Variants in IQCM observed in about 807,000 individuals in gnomAD.
IQCM encodes IQ domain-containing protein M.
A neutral mutation model predicts 57.6 loss-of-function variants in IQCM; 45 were observed. The ratio of observed to expected loss-of-function variants is 0.78; its 90% CI spans 0.62 to 1.00. The LOEUF is 1.00. Ranked by LOEUF, IQCM falls within the 50% of genes least tolerant of loss-of-function variation. The probability of loss-of-function intolerance (pLI) is 0.00; values close to 1 mark genes in which losing one functional copy is unlikely to be tolerated. For synonymous variants in IQCM, 148 were observed against 158.9 expected, an observed-to-expected ratio of 0.93 and a Z score of 0.51; for missense variants, 468 against 511.6, an observed-to-expected ratio of 0.91 and a Z score of 0.82.
At chr4:149,466,030 T>G (rs543527525) in intron 12 of IQCM, among the ~76,000 whole-genome samples, 1 of 152,240 alleles carries the variant, frequency 6.6e-6, no homozygotes, top group African/African-American at 2.4e-5. Context: ...GCACACTGAT[T>G]AATAGCATTG....
At chr4:149,488,669 C>A (rs1470594723) in intron 12 of IQCM, among the ~76,000 whole-genome samples, 1 of 151,896 alleles carries the variant, frequency 6.6e-6, no homozygotes, top group African/African-American at 2.4e-5. Context: ...CAGATATGAC[C>A]CAAAAAGGCT....
intron 7 of IQCM, among the ~76,000 whole-genome samples, chr4:149,632,654 A>G (rs1310224567): frequency 2.6e-5 from 4 of 152,192 alleles, no homozygotes; most frequent in Admixed American, 1.3e-4. Flanking sequence ...GCTTATATTT[A>G]TATATTCATT....
chr4:149,429,803 A>G, intron 13 of IQCM: 2 of 381,868 alleles, frequency 5.2e-6, no homozygotes, highest in Non-Finnish European at 9.2e-6. Flanking sequence ...ATCTCTTGTC[A>G]GTCAATTTAA....
At chr4:149,536,340 G>T (rs1164854226) in intron 12 of IQCM, among the ~76,000 whole-genome samples, 2 of 151,892 alleles carry the variant, frequency 1.3e-5, no homozygotes, top group East Asian at 1.9e-4. Flanking sequence ...TAGTAGCATG[G>T]CTCCCTCTCC....
chr4:149,784,391 A>G (rs1771887027), intron 2 of IQCM, among the ~76,000 whole-genome samples: 1 of 152,142 alleles, frequency 6.6e-6, no homozygotes, highest in Non-Finnish European at 1.5e-5. Flanking sequence ...TTAGATCCTT[A>G]GTCAAAGATC....
intron 5 of IQCM, among the ~76,000 whole-genome samples, chr4:149,717,153 T>C (rs1271598112): frequency 6.6e-6 from 1 of 152,196 alleles, no homozygotes; most frequent in African/African-American, 2.4e-5. Flanking sequence ...TTCATCAAAC[T>C]GAGTTGGGAG....
At chr4:149,516,242 G>A (rs1408673883) in intron 12 of IQCM, among the ~76,000 whole-genome samples, 3 of 152,194 alleles carry the variant, frequency 2.0e-5, no homozygotes, top group Non-Finnish European at 4.4e-5. Context: ...TCATGGAAAA[G>A]GCAGAGGTTT....
intron 12 of IQCM, among the ~76,000 whole-genome samples, chr4:149,543,152 T>C (rs924211703): frequency 6.6e-5 from 10 of 152,170 alleles, no homozygotes; most frequent in Non-Finnish European, 1.3e-4. Context: ...TTTAATTTTT[T>C]AATTTTATTA....
intron 2 of IQCM, among the ~76,000 whole-genome samples, chr4:149,807,876 T>G (rs1368977631): frequency 2.0e-5 from 3 of 151,740 alleles, no homozygotes; most frequent in Admixed American, 2.0e-4. Flanking sequence ...CAAAACCACC[T>G]CACCCCAGTT....
At chr4:149,723,918 C>T (rs1379043389) in intron 5 of IQCM, among the ~76,000 whole-genome samples, 4 of 147,570 alleles carry the variant, frequency 2.7e-5, no homozygotes, top group South Asian at 2.1e-4. Context: ...TGGGCCTGTG[C>T]TTTTTTTTTT....
intron 2 of IQCM, among the ~76,000 whole-genome samples, chr4:149,766,865 C>T (rs1235258181): frequency 6.6e-6 from 1 of 152,054 alleles, no homozygotes; most frequent in African/African-American, 2.4e-5. Flanking sequence ...AACATCATTG[C>T]ATATAACTTT....
Position 149,640,711 on chromosome 4 carries a change from G to C in IQCM, c.566-19467C>G, listed in dbSNP as rs916761652. On this transcript the variant is annotated intron_variant, in intron 7 of 13. Transcript: ENST00000636793. ...ATCCTTTTTATCCAACGTTGTGTTTGTGTGATTTTTTTTCTCTTATTTTGA... is the reference window on the plus strand; with the variant it reads ...ATCCTTTTTATCCAACGTTGTGTTTCTGTGATTTTTTTTCTCTTATTTTGA... 2.0e-5 allele frequency among the ~76,000 whole-genome samples: 3 copies of C among 152,182 alleles called. No individual in the cohort carries two copies. The South Asian group carries it at 6.2e-4, about 32-fold the overall frequency.
chr4:149,429,291 A>G (rs1014514017), intron 13 of IQCM, among the ~76,000 whole-genome samples: 1 of 152,080 alleles, frequency 6.6e-6, no homozygotes, highest in Admixed American at 6.6e-5. Context: ...CTAACTTTCC[A>G]AAATAGCCTT....
At chr4:149,704,562 A>C (rs937576154) in intron 5 of IQCM, among the ~76,000 whole-genome samples, 2 of 151,824 alleles carry the variant, frequency 1.3e-5, no homozygotes, top group African/African-American at 4.8e-5. Flanking sequence ...GATTAATTTC[A>C]GGGTACTTAT....
intron 8 of IQCM, among the ~76,000 whole-genome samples, chr4:149,617,009 G>A (rs1755851850): frequency 6.6e-6 from 1 of 151,090 alleles, no homozygotes; most frequent in African/African-American, 2.4e-5. Flanking sequence ...CCAGGCTGGA[G>A]TACAATGGTG....
chr4:149,492,329 A>C (rs1293768315), intron 12 of IQCM, among the ~76,000 whole-genome samples: 2 of 152,106 alleles, frequency 1.3e-5, no homozygotes, highest in Non-Finnish European at 2.9e-5. Context: ...GGAAAAAAAG[A>C]TTATGACCTA....
intron 9 of IQCM, among the ~76,000 whole-genome samples, chr4:149,581,276 TAC>T (rs906358655): frequency 9.3e-5 from 14 of 150,532 alleles, no homozygotes; most frequent in Non-Finnish European, 1.6e-4. Context: ...TATATATATA[TAC>T]ATACATATAT....
chr4:149,676,903 C>T (rs760963773), intron 7 of IQCM, among the ~76,000 whole-genome samples: 1 of 151,892 alleles, frequency 6.6e-6, no homozygotes, highest in African/African-American at 2.4e-5. Flanking sequence ...AACAAATATA[C>T]AGTGCCAAGA....
intron 7 of IQCM, among the ~76,000 whole-genome samples, chr4:149,622,754 C>G (rs1005626709): frequency 6.6e-6 from 1 of 152,098 alleles, no homozygotes; most frequent in African/African-American, 2.4e-5. Flanking sequence ...TACACCCTTA[C>G]GTTTCTTATG....
Sources: gnomAD v4.1 joint callset for allele counts (sites outside exome capture counted in the v4.1 genomes callset) on GRCh38, gnomAD v4.1.1 for gene constraint, MANE v1.5 for transcripts, NCBI Gene and HGNC (gene_info 2026-07-23, HGNC 2026-07-21) for gene names.